Variants in GSK3A observed in about 807,000 individuals in gnomAD.
GSK3A encodes glycogen synthase kinase-3 alpha.
GSK3A carries 14 observed loss-of-function variants against 56.6 expected under a neutral mutation model. The ratio of observed to expected loss-of-function variants is 0.25; its 90% confidence interval spans 0.16 to 0.39. The LOEUF is 0.39. Ranked by LOEUF, GSK3A falls within the 10% of genes least tolerant of loss-of-function variation. GSK3A has a pLI of 1.00. For synonymous variants in GSK3A, 301 were observed against 285.0 expected (o/e 1.06, Z -0.56); for missense variants, 450 against 656.0 (o/e 0.69, Z 3.43).
intron 10 of GSK3A, among the ~76,000 whole-genome samples, chr19:42,231,309 G>A (rs889261147): frequency 5.3e-5 from 8 of 152,148 alleles, no homozygotes; most frequent in African/African-American, 1.4e-4. Flanking sequence ...GGAGTGAGCC[G>A]GGATTGTGCC....
intron 1 of GSK3A, 155 bp downstream of exon 1, chr19:42,242,028 A>C (rs1189161366): frequency 3.7e-6 from 2 of 536,850 alleles, no homozygotes; most frequent in Non-Finnish European, 5.7e-6. Context: ...TAACCCCAAG[A>C]CTCCTTTTCC....
intron 1 of GSK3A, chr19:42,241,314 G>A (rs1465587267): frequency 6.6e-6 from 1 of 152,108 alleles, no homozygotes; most frequent in Admixed American, 6.6e-5. Flanking sequence ...CATTTTGAGG[G>A]GCCAGTGACA....
At position 42,240,151 on chromosome 19, in the gene GSK3A, C is replaced by G. The variant is rs202005194; in HGVS notation, c.284-9G>C. On this transcript the variant is annotated splice_polypyrimidine_tract_variant and intron_variant, in intron 1 of 10. Coordinates refer to ENST00000222330, the MANE Select transcript of GSK3A (RefSeq NM_019884.3). Reference sequence around the variant, plus strand: ...CACCTTCCCGCTGTCACCTGGGGAACAAAGGGGATACACGATCCACTGACC... The same window carrying G: ...CACCTTCCCGCTGTCACCTGGGGAAGAAAGGGGATACACGATCCACTGACC... 6.2e-7 allele frequency: 1 copy of G among 1,613,538 alleles called. No homozygotes were observed. Among genetic ancestry groups the G allele is most frequent in the Non-Finnish European group, 8.5e-7 (1 of 1,179,572 alleles).
chr19:42,238,855 G>C (rs1163275835), intron 2 of GSK3A, among the ~76,000 whole-genome samples: 2 of 151,806 alleles, frequency 1.3e-5, no homozygotes, highest in Non-Finnish European at 2.9e-5. Context: ...TGCAATCCCA[G>C]CTACTCAGGT....
intron 4 of GSK3A, among the ~76,000 whole-genome samples, chr19:42,235,740 C>G (rs974663403): frequency 6.6e-6 from 1 of 152,216 alleles, no homozygotes; most frequent in South Asian, 2.1e-4. Context: ...TGTGATGACG[C>G]CTTTCTACCC....
Position 42,240,022 on chromosome 19 carries a change from T to A in GSK3A, c.404A>T (p.Gln135Leu). 1 of 1,614,204 alleles carries A rather than the reference T, an allele frequency of 6.2e-7. No individual in the cohort carries two copies. The highest frequency in any genetic ancestry group is 8.5e-7 in the Non-Finnish European group (1 of 1,180,022). ...IGNGSFGVVYQARLAETRELV... is the reference protein window; with the variant it reads ...IGNGSFGVVYLARLAETRELV... Reference sequence around the variant, plus strand: ...TTCCCTGGTCTCTGCCAGCCGTGCCTGGTACACGACCCCAAATGAGCCATT... The same window carrying A: ...TTCCCTGGTCTCTGCCAGCCGTGCCAGGTACACGACCCCAAATGAGCCATT... The change falls in exon 2 of 11, where the codon CAG becomes CTG. Residue 135 changes from glutamine (Q) to leucine (L), a missense_variant. This residue lies in a region of GSK3A where 144 missense variants were observed against 308.0 expected (regional missense o/e 0.47). Transcript: ENST00000222330.
intron 9 of GSK3A, 53 bp downstream of exon 9, chr19:42,232,443 T>C (rs1189520625): frequency 6.5e-7 from 1 of 1,539,846 alleles, no homozygotes; most frequent in Non-Finnish European, 8.9e-7. Context: ...CTCACAATCT[T>C]TGGCTGCCCC....
chr19:42,233,261 TGCCCAGCCCA>T lies in GSK3A; in HGVS notation c.1002+15_1002+24del. 1.7e-6 allele frequency: 1 copy of T among 597,960 alleles called. No individual in the cohort carries two copies. The highest frequency in any genetic ancestry group is 2.2e-5 in the African/African-American group (1 of 44,674). 37.0% of individuals were successfully genotyped at this position (597,960 alleles called of 1,614,324 possible). ...GGCCCCATCCCTCAGCCCCACCCCC[TGCCCAGCCCA>T]GCCCCGCCCCTCACCTTGATGATCT... On this transcript the variant is annotated intron_variant, in intron 7 of 10. Transcript: ENST00000222330.
chr19:42,240,832 TATG>T (rs1215379631), intron 1 of GSK3A: 2 of 152,216 alleles, frequency 1.3e-5, no homozygotes, highest in African/African-American at 4.8e-5. Flanking sequence ...AGCACCAAAT[TATG>T]ATAATGATGA....
At chr19:42,242,049 A>G in intron 1 of GSK3A, 134 bp downstream of exon 1, 1 of 703,682 alleles carries the variant, frequency 1.4e-6, no homozygotes, top group Non-Finnish European at 2.0e-6. Context: ...TGGGAGGAAG[A>G]GGGCTCGGAT....
intron 1 of GSK3A, chr19:42,240,808 G>A (rs754910325): frequency 5.2e-5 from 8 of 152,392 alleles, no homozygotes; most frequent in Non-Finnish European, 8.8e-5. Flanking sequence ...TATGTGGGTG[G>A]TCCCTAATGG....
rs778258162 is a variant in GSK3A at position 42,230,865 on chromosome 19, A to C, written c.1381T>G (p.Leu461Val). 6 of 1,558,022 alleles carry C rather than the reference A, an allele frequency of 3.9e-6. No individual in the cohort carries two copies. In the African/African-American group the frequency reaches 8.2e-5, roughly 21 times the overall value. Residue 461 changes from leucine (L) to valine (V), a missense_variant and splice_region_variant, in exon 11 of 11, where the codon TTA becomes GTA. Physicochemically the swap from Leu to Val is conservative, Grantham distance 32. Around this residue, in one of 3 missense-constraint regions of GSK3A, gnomAD observed 113 missense variants for 147.5 expected, o/e 0.77. Coordinates refer to ENST00000222330, the MANE Select transcript of GSK3A (RefSeq NM_019884.3). ...TCTGAGCTGGTCGGAGTCTCAGTTA[A>C]AGCTGGAGGGAGGCAGGGAAGGAGC... Reference protein sequence around the residue: ...TTTLTPSSQALTETPTSSDWQ... With the variant: ...TTTLTPSSQAVTETPTSSDWQ...
chr19:42,231,097 C>T (rs568241495), intron 10 of GSK3A, among the ~76,000 whole-genome samples: 17 of 152,340 alleles, frequency 1.1e-4, no homozygotes, highest in African/African-American at 4.1e-4. Context: ...CACAGTGGCT[C>T]ACGCCTGTAA....
intron 8 of GSK3A, 196 bp downstream of exon 8, chr19:42,232,914 G>A: frequency 1.7e-6 from 1 of 575,208 alleles, no homozygotes; most frequent in South Asian, 2.5e-5. Context: ...CATAAAAATT[G>A]GAATCTTGAA....
chr19:42,238,340 A>C (rs2036270710), intron 2 of GSK3A, among the ~76,000 whole-genome samples: 1 of 149,838 alleles, frequency 6.7e-6, no homozygotes, highest in Non-Finnish European at 1.5e-5. Context: ...CCGACATCAC[A>C]CCACTGCACT....
In GSK3A at chr19:42,236,626, T is replaced by C. The variant is rs780876254; in HGVS notation, c.646A>G (p.Ile216Val). Residue 216 changes from isoleucine (I) to valine (V), a missense_variant, in exon 4 of 11, where the codon ATC becomes GTC. This residue lies in a region of GSK3A where 144 missense variants were observed against 308.0 expected (regional missense o/e 0.47). Transcript: ENST00000222330. ...ARHFTKAKLT[I>V]PILYVKVYMY... is the part of the protein sequence containing the mutation. ...CCTACCTTGACATAGAGGATAGGGA[T>C]GGTCAACTTGGCCTTGGTGAAGTGG... is the stretch of plus-strand genomic sequence containing the variant. The C allele has an allele frequency of 6.2e-6, 10 of 1,611,230 alleles. No homozygotes were observed. In the East Asian group the frequency reaches 1.1e-4, roughly 18 times the overall value.
rs1307661556 is a variant in GSK3A, at chr19:42,232,383, T to C, written c.1285+113A>G. The C allele has an allele frequency of 3.1e-6, 3 of 966,016 alleles. No homozygotes were observed. In the East Asian group the frequency reaches 7.9e-5, roughly 25 times the overall value. The allele number at this position is 966,016 out of a possible 1,614,324, so 59.8% of individuals were successfully genotyped here. A position where few individuals can be genotyped will look rare whatever the true frequency, so the allele number is the denominator to read the frequency against. On this transcript the variant is annotated intron_variant, in intron 9 of 10. Transcript: ENST00000222330. ...AGTCATCTTTCCTGAGCCCCAGGCC[T>C]GCCTTGTACCCTGCCCTTAGCTCCC...
intron 2 of GSK3A, among the ~76,000 whole-genome samples, chr19:42,239,570 G>A (rs1285838860): frequency 6.6e-6 from 1 of 152,126 alleles, no homozygotes; most frequent in Non-Finnish European, 1.5e-5. Flanking sequence ...GGTTAAGGTA[G>A]AGGGTTTGGG....
chr19:42,233,612 T>C (rs1448854135), intron 6 of GSK3A, among the ~76,000 whole-genome samples: 2 of 152,164 alleles, frequency 1.3e-5, no homozygotes, highest in African/African-American at 4.8e-5. Context: ...CTCTCTCTGC[T>C]AAGGACCCCA....
Sources: gnomAD v4.1 joint callset for allele counts (sites outside exome capture counted in the v4.1 genomes callset) on GRCh38, gnomAD v4.1.1 for gene constraint, gnomAD v4.1.1 regional missense constraint, MANE v1.5 for transcripts, NCBI Gene and HGNC (gene_info 2026-07-23, HGNC 2026-07-21) for gene names.